Variants in SDK1 observed in about 807,000 individuals in gnomAD.
The protein encoded by SDK1 is sidekick cell adhesion molecule 1.
In SDK1, 157 loss-of-function variants were observed where a neutral mutation model predicts 245.5. That is an observed-to-expected ratio of 0.64 (90% CI 0.56 to 0.73). SDK1 has a LOEUF of 0.73. Among genes scored for constraint, SDK1 ranks in the 30% least tolerant of loss-of-function variants. The pLI is 0.00. For synonymous variants in SDK1, 1,647 were observed against 1,278.5 expected (o/e 1.29, Z -6.15); for missense variants, 3,583 against 3,002.3 (o/e 1.19, Z -4.52).
At chr7:3,570,142 C>T (rs1780062200) in intron 1 of SDK1, among the ~76,000 whole-genome samples, 2 of 152,160 alleles carry the variant, frequency 1.3e-5, no homozygotes, top group Non-Finnish European at 2.9e-5. Flanking sequence ...TGCATGTTTC[C>T]TGGCTTTTTA....
intron 1 of SDK1, among the ~76,000 whole-genome samples, chr7:3,488,869 T>TC (rs1235114432): frequency 6.6e-6 from 1 of 151,786 alleles, no homozygotes; most frequent in African/African-American, 2.4e-5. Flanking sequence ...ATGTCCCCTT[T>TC]CTAGCACTTC....
chr7:4,064,366 A>G (rs1036772994), intron 19 of SDK1, among the ~76,000 whole-genome samples: 3 of 152,188 alleles, frequency 2.0e-5, no homozygotes, highest in Non-Finnish European at 4.4e-5. Flanking sequence ...CAAAACCTCA[A>G]TGAGGTACCA....
chr7:3,607,407 T>C (rs909373409), intron 1 of SDK1, among the ~76,000 whole-genome samples: 2 of 152,230 alleles, frequency 1.3e-5, no homozygotes, highest in African/African-American at 4.8e-5. Flanking sequence ...GACTATACTA[T>C]ATATTTTCTT....
In SDK1 at chr7:4,130,091, G is replaced by T. The variant is rs773843051; in HGVS notation, c.4123G>T (p.Asp1375Tyr). 6.2e-7 allele frequency: 1 copy of T among 1,600,284 alleles called. No homozygotes were observed. Among genetic ancestry groups the T allele is most frequent in the South Asian group, 1.1e-5 (1 of 89,998 alleles). Reference sequence around the variant, plus strand: ...GCCCCTCATCCTGGAGCGCACCAAAGACGATGGTAGGTCCAGGGTTCGCGC... The same window carrying T: ...GCCCCTCATCCTGGAGCGCACCAAATACGATGGTAGGTCCAGGGTTCGCGC... ...STPLILERTK[D>Y]DAPGPPVRLV... The change falls in exon 27 of 45, where the codon GAC becomes TAC. Residue 1375 changes from aspartate to tyrosine, a missense_variant. Physicochemically the swap from Asp to Tyr is radical, Grantham distance 160. Coordinates refer to ENST00000404826, the MANE Select transcript of SDK1 (RefSeq NM_152744.4).
At position 3,849,062 on chromosome 7, in the gene SDK1, A is replaced by G. The variant is rs191240256; in HGVS notation, c.847+27479A>G. Among the ~76,000 whole-genome samples the G allele has an allele frequency of 4.6e-5, 7 of 152,296 alleles. No individual in the cohort carries two copies. In the East Asian group the frequency reaches 1.4e-3, roughly 29 times the overall value. ...TCTTCACTTCCTGGCCTGGTATTTA[A>G]GACTTTTCATACCCGTCCTTTCTCT... On this transcript the variant is annotated intron_variant, in intron 5 of 44. Coordinates refer to ENST00000404826, the MANE Select transcript of SDK1 (RefSeq NM_152744.4).
intron 1 of SDK1, among the ~76,000 whole-genome samples, chr7:3,507,536 G>T (rs1562528923): frequency 1.3e-5 from 2 of 152,156 alleles, no homozygotes; most frequent in Non-Finnish European, 2.9e-5. Context: ...CTGATCTAGT[G>T]CTAGTTACTC....
intron 17 of SDK1, among the ~76,000 whole-genome samples, chr7:4,048,500 G>A (rs1355059357): frequency 3.4e-5 from 5 of 148,376 alleles, no homozygotes; most frequent in Non-Finnish European, 7.4e-5. Context: ...TCGTCCAGCC[G>A]TGCTCCGTGT....
intron 4 of SDK1, among the ~76,000 whole-genome samples, chr7:3,717,353 A>C (rs1785234211): frequency 6.6e-6 from 1 of 152,244 alleles, no homozygotes; most frequent in Non-Finnish European, 1.5e-5. Flanking sequence ...TGTCAAAGAA[A>C]GTATCTTAAA....
intron 1 of SDK1, among the ~76,000 whole-genome samples, chr7:3,320,319 C>A (rs575499170): frequency 1.3e-5 from 2 of 151,634 alleles, no homozygotes; most frequent in East Asian, 3.9e-4. Context: ...TCATATTATA[C>A]ATACTTTGAA....
intron 4 of SDK1, among the ~76,000 whole-genome samples, chr7:3,764,841 C>G (rs1780208264): frequency 6.6e-6 from 1 of 151,802 alleles, no homozygotes; most frequent in Non-Finnish European, 1.5e-5. Flanking sequence ...ATAGGAAAAT[C>G]CAGCTGTCTT....
chr7:4,173,612 A>G (rs1446153489), intron 32 of SDK1, among the ~76,000 whole-genome samples: 1 of 152,214 alleles, frequency 6.6e-6, no homozygotes, highest in Non-Finnish European at 1.5e-5. Flanking sequence ...TGAGAGCTGG[A>G]TGGCAAGGGT....
At chr7:3,654,184 C>T (rs1783090462) in intron 4 of SDK1, among the ~76,000 whole-genome samples, 1 of 152,152 alleles carries the variant, frequency 6.6e-6, no homozygotes, top group South Asian at 2.1e-4. Flanking sequence ...ACTGCTCCTC[C>T]AAATGCTGGT....
intron 5 of SDK1, among the ~76,000 whole-genome samples, chr7:3,847,490 AGAG>A: frequency 6.6e-6 from 1 of 152,370 alleles, no homozygotes; most frequent in African/African-American, 2.4e-5. Context: ...CATGGCCACA[AGAG>A]TAGTAAGTGA....
At chr7:3,683,812 A>G (rs115300967) in intron 4 of SDK1, among the ~76,000 whole-genome samples, 313 of 152,286 alleles carry the variant, frequency 2.1e-3, no homozygotes, top group African/African-American at 6.1e-3. Flanking sequence ...AAAACCTCTA[A>G]TCTGGAACTA....
chr7:3,883,689 CCTCG>C (rs1781261975), intron 5 of SDK1, among the ~76,000 whole-genome samples: 1 of 143,420 alleles, frequency 7.0e-6, no homozygotes, highest in Non-Finnish European at 1.5e-5. Context: ...GACCTCGCTC[CCTCG>C]CTCCCTCCCT....
At chr7:3,796,283 G>A (rs897752241) in intron 4 of SDK1, among the ~76,000 whole-genome samples, 3 of 152,206 alleles carry the variant, frequency 2.0e-5, no homozygotes, top group African/African-American at 4.8e-5. Flanking sequence ...CCGTGTCCAC[G>A]GATGGTCAGA....
chr7:4,053,449 G>T (rs922294639), intron 19 of SDK1, among the ~76,000 whole-genome samples: 1 of 151,904 alleles, frequency 6.6e-6, no homozygotes, highest in African/African-American at 2.4e-5. Context: ...TCTTCATGGC[G>T]CTATTACTTC....
chr7:4,102,781 G>T (rs1365723612), intron 22 of SDK1, among the ~76,000 whole-genome samples: 1 of 152,268 alleles, frequency 6.6e-6, no homozygotes, highest in Non-Finnish European at 1.5e-5. Context: ...AGACCTGGGA[G>T]TGGGCAAGCT....
At chr7:3,961,483 G>GT (rs1391090575) in intron 8 of SDK1, among the ~76,000 whole-genome samples, 4 of 152,204 alleles carry the variant, frequency 2.6e-5, no homozygotes, top group Non-Finnish European at 5.9e-5. Flanking sequence ...GTCAAGATAT[G>GT]TTTTTTATTT....
Sources: allele counts gnomAD v4.1 joint callset (sites outside exome capture counted in the v4.1 genomes callset), GRCh38; gene constraint gnomAD v4.1.1; transcripts MANE v1.5; gene names NCBI Gene and HGNC (gene_info 2026-07-23, HGNC 2026-07-21).